The following RAI1 variants were observed in gnomAD, a reference collection of about 807,000 sequenced individuals.
RAI1 encodes the protein retinoic acid induced 1, also known as retinoic acid-induced protein 1.
Under a neutral mutation model 123.8 loss-of-function variants are expected in RAI1, and 9 were observed. The ratio of observed to expected loss-of-function variants is 0.07; its 90% CI spans 0.04 to 0.13. The LOEUF is 0.13. Among genes scored for constraint, RAI1 ranks in the 10% least tolerant of loss-of-function variants. The pLI, the probability that RAI1 is intolerant of heterozygous loss-of-function variation, is 1.00. For missense variants in RAI1, 2,256 were observed against 2,545.8 expected (o/e 0.89, Z 2.45); for synonymous variants, 1,231 against 1,127.3 (o/e 1.09, Z -1.84).
intron 1 of RAI1, chr17:17,684,597 G>T (rs1221115580): frequency 6.7e-6 from 1 of 149,656 alleles, no homozygotes; most frequent in Non-Finnish European, 1.5e-5. Flanking sequence ...AAGTTCCCTT[G>T]GCACCCTCCC....
intron 4 of RAI1, chr17:17,804,127 G>T (rs1015717428): frequency 3.4e-5 from 17 of 500,112 alleles, no homozygotes; most frequent in Middle Eastern, 3.0e-4. Context: ...TGCTGTCTGC[G>T]GAGCCATCAT....
intron 3 of RAI1, chr17:17,802,102 A>T (rs1400971273): frequency 2.1e-6 from 1 of 469,164 alleles, no homozygotes; most frequent in Non-Finnish European, 4.4e-6. Flanking sequence ...GGTTTGCTTC[A>T]CTCTTCCAAG....
At chr17:17,698,215 C>T (rs1346418566) in intron 1 of RAI1, among the ~76,000 whole-genome samples, 1 of 152,208 alleles carries the variant, frequency 6.6e-6, no homozygotes, top group Non-Finnish European at 1.5e-5. Context: ...CTGCAGAGGG[C>T]AGGCGCCCAG....
chr17:17,761,032 A>G (rs1309562477), intron 2 of RAI1, among the ~76,000 whole-genome samples: 6 of 152,180 alleles, frequency 3.9e-5, no homozygotes, highest in African/African-American at 1.4e-4. Flanking sequence ...AGTCAAACAG[A>G]CCTGGGTTCA....
chr17:17,698,260 G>A lies in RAI1; in HGVS notation c.-149+16467G>A, dbSNP rs551531752. On this transcript the variant is annotated intron_variant, in intron 1 of 5. Transcript: ENST00000353383. Reference sequence around the variant, plus strand: ...GCTGCTCTCACACACGGGCTTCTGGGTGGCTCATGGCAGGCTTAGGGCATT... The same window carrying A: ...GCTGCTCTCACACACGGGCTTCTGGATGGCTCATGGCAGGCTTAGGGCATT... Among the ~76,000 whole-genome samples the A allele has an allele frequency of 8.5e-4, 130 of 152,290 alleles. 3 individuals carry two copies. In the South Asian group the frequency reaches 0.015, roughly 17 times the overall value.
At chr17:17,802,729 T>C (rs1031908531) in intron 3 of RAI1, among the ~76,000 whole-genome samples, 1 of 151,608 alleles carries the variant, frequency 6.6e-6, no homozygotes, top group Non-Finnish European at 1.5e-5. Context: ...TGAGCCAAGA[T>C]TGTGCCACTG....
At chr17:17,768,164 C>T (rs2031011698) in intron 2 of RAI1, among the ~76,000 whole-genome samples, 1 of 152,158 alleles carries the variant, frequency 6.6e-6, no homozygotes, top group African/African-American at 2.4e-5. Context: ...CAGCAGAATG[C>T]CTGGGACGTA....
At chr17:17,802,860 G>C (rs2032504146) in intron 3 of RAI1, among the ~76,000 whole-genome samples, 1 of 152,084 alleles carries the variant, frequency 6.6e-6, no homozygotes, top group South Asian at 2.1e-4. Context: ...TAGGCAGGCA[G>C]ATCACCTGAG....
At chr17:17,692,481 G>A (rs1316254774) in intron 1 of RAI1, among the ~76,000 whole-genome samples, 4 of 152,234 alleles carry the variant, frequency 2.6e-5, no homozygotes, top group Non-Finnish European at 5.9e-5. Flanking sequence ...CTGAAGCACA[G>A]AGAGGTTAAG....
At chr17:17,694,805 C>G (rs1459292694) in intron 1 of RAI1, among the ~76,000 whole-genome samples, 1 of 150,546 alleles carries the variant, frequency 6.6e-6, no homozygotes, top group African/African-American at 2.4e-5. Flanking sequence ...GCGCCCGGCC[C>G]GGCATGCTTC....
chr17:17,767,153 C>T lies in RAI1; in HGVS notation c.-16-25780C>T, dbSNP rs180795358. On this transcript the variant is annotated intron_variant, in intron 2 of 5. Coordinates refer to ENST00000353383, the MANE Select transcript of RAI1 (RefSeq NM_030665.4). ...ACACCGTCCAGAGCACTGACTTCCCCAACGAGCCAGGTGGAAATGTCCCAG... is the reference window on the plus strand; with the variant it reads ...ACACCGTCCAGAGCACTGACTTCCCTAACGAGCCAGGTGGAAATGTCCCAG... 5.7e-3 allele frequency among the ~76,000 whole-genome samples: 872 copies of T among 152,304 alleles called. 4 individuals are homozygous for T. Among genetic ancestry groups the T allele is most frequent in the Non-Finnish European group, 9.6e-3 (655 of 68,016 alleles).
chr17:17,692,964 G>A (rs1363052159), intron 1 of RAI1, among the ~76,000 whole-genome samples: 9 of 152,242 alleles, frequency 5.9e-5, no homozygotes, highest in Non-Finnish European at 1.2e-4. Context: ...TGAAAGGGGA[G>A]AGAGGGCAGA....
At chr17:17,744,813 A>G (rs893774443) in intron 2 of RAI1, among the ~76,000 whole-genome samples, 1 of 149,628 alleles carries the variant, frequency 6.7e-6, no homozygotes, top group African/African-American at 2.5e-5. Flanking sequence ...AAAAAAAAAA[A>G]GGAAAACTGT....
At chr17:17,742,452 T>C (rs2142971395) in intron 2 of RAI1, among the ~76,000 whole-genome samples, 1 of 152,286 alleles carries the variant, frequency 6.6e-6, no homozygotes, top group East Asian at 1.9e-4. Flanking sequence ...AACGAGTGAA[T>C]GAATGAATGA....
At chr17:17,728,163 G>A (rs914718161) in intron 2 of RAI1, among the ~76,000 whole-genome samples, 6 of 151,984 alleles carry the variant, frequency 3.9e-5, no homozygotes, top group South Asian at 2.1e-4. Flanking sequence ...GTGTGTGCGC[G>A]TGCATGCATG....
Position 17,797,905 on chromosome 17 carries a change from C to T in RAI1, c.4957C>T (p.Pro1653Ser), listed in dbSNP as rs748865931. ...AGCCGGGGCCTCCCTGGCCACACTC[C>T]CTGGAGGCTCCATCCTGCAGCCGCG... is the stretch of plus-strand genomic sequence containing the variant. ...DAAGASLATL[P>S]GGSILQPRPS... is the part of the protein sequence containing the mutation. Residue 1653 changes from proline (P) to serine (S), a missense_variant, in exon 3 of 6, where the codon CCT becomes TCT. By Grantham distance (74) the Pro-to-Ser change is moderately conservative. Around this residue, in one of 7 missense-constraint regions of RAI1, gnomAD observed 410 missense variants for 374.6 expected, o/e 1.09. Transcript: ENST00000353383. 38 of 1,613,894 alleles carry T rather than the reference C, an allele frequency of 2.4e-5. No individual in the cohort carries two copies. Among genetic ancestry groups the T allele is most frequent in the Non-Finnish European group, 2.7e-5 (32 of 1,180,020 alleles).
intron 1 of RAI1, among the ~76,000 whole-genome samples, chr17:17,699,196 G>C (rs905243846): frequency 1.3e-5 from 2 of 152,202 alleles, no homozygotes; most frequent in African/African-American, 4.8e-5. Context: ...TGGAACTCAG[G>C]CAGTATATGT....
chr17:17,744,115 C>T (rs1279466697), intron 2 of RAI1, among the ~76,000 whole-genome samples: 4 of 152,190 alleles, frequency 2.6e-5, no homozygotes, highest in Non-Finnish European at 1.5e-5. Flanking sequence ...TACGGGGACG[C>T]CTGAGGAGGA....
intron 2 of RAI1, among the ~76,000 whole-genome samples, chr17:17,746,904 G>GGATT (rs1448303616): frequency 2.0e-5 from 3 of 152,110 alleles, no homozygotes; most frequent in Admixed American, 2.0e-4. Flanking sequence ...CAAAGTGCTG[G>GGATT]GATTACAGGC....
Sources: allele counts gnomAD v4.1 joint callset (sites outside exome capture counted in the v4.1 genomes callset), GRCh38; gene constraint gnomAD v4.1.1; regional missense constraint gnomAD v4.1.1; transcripts MANE v1.5; gene names NCBI Gene and HGNC (gene_info 2026-07-23, HGNC 2026-07-21).